The following MGLL variants were observed in gnomAD, a reference collection of about 807,000 sequenced individuals.
MGLL encodes the protein monoglyceride lipase, also known as lysophospholipase homolog.
A neutral mutation model predicts 29.1 loss-of-function variants in MGLL; 7 were observed. The ratio of observed to expected loss-of-function variants is 0.24; its 90% CI spans 0.14 to 0.45. The LOEUF (loss-of-function observed/expected upper bound fraction) is 0.45. Among genes scored for constraint, MGLL ranks in the 20% least tolerant of loss-of-function variants. The pLI is 0.99. For missense variants in MGLL, 356 were observed against 413.6 expected (o/e 0.86, Z 1.21); for synonymous variants, 148 against 168.3 (o/e 0.88, Z 0.93).
intron 3 of MGLL, among the ~76,000 whole-genome samples, chr3:127,759,921 G>A (rs913514937): frequency 6.6e-6 from 1 of 152,242 alleles, no homozygotes; most frequent in Non-Finnish European, 1.5e-5. Context: ...TGATTATGGG[G>A]TCTGAATGAT....
chr3:127,695,763 C>T lies in MGLL; in HGVS notation c.601-573G>A, dbSNP rs374538558. Among the ~76,000 whole-genome samples the T allele has an allele frequency of 1.0e-3, 152 of 152,120 alleles. 1 individual carries two copies. Among genetic ancestry groups the T allele is most frequent in the East Asian group, 3.3e-3 (17 of 5,172 alleles). On this transcript the variant is annotated intron_variant, in intron 6 of 7. Transcript: ENST00000265052. The stretch of plus-strand genomic sequence containing the variant: ...CGTCTCAAAAAAAAATTAAAAAAAA[C>T]GAAAGTTTCAAGTATTAATTTGTAT...
chr3:127,760,336 C>T (rs1352083772), intron 3 of MGLL, among the ~76,000 whole-genome samples: 1 of 152,234 alleles, frequency 6.6e-6, no homozygotes, highest in Non-Finnish European at 1.5e-5. Context: ...CATAACAGAA[C>T]TCTCTGGGCT....
intron 3 of MGLL, among the ~76,000 whole-genome samples, chr3:127,734,380 G>A (rs2076206525): frequency 6.6e-6 from 1 of 152,170 alleles, no homozygotes; most frequent in African/African-American, 2.4e-5. Context: ...TTTCACCATG[G>A]AAGCATCGCC....
Position 127,747,744 on chromosome 3 carries a change from C to T in MGLL, c.263-25178G>A, listed in dbSNP as rs533213403. 2.0e-4 allele frequency among the ~76,000 whole-genome samples: 31 copies of T among 152,320 alleles called. No individual in the cohort carries two copies. The South Asian group carries it at 5.0e-3, about 24-fold the overall frequency. ...GGCTCCCTTGAGACAGGAGCTTCCACGGTAACACCTATTTGAGCTCCTCAG... is the reference window on the plus strand; with the variant it reads ...GGCTCCCTTGAGACAGGAGCTTCCATGGTAACACCTATTTGAGCTCCTCAG... On this transcript the variant is annotated intron_variant, in intron 3 of 7. Transcript: ENST00000265052.
chr3:127,821,993 G>A, intron 1 of MGLL, 155 bp from the exon 2 acceptor site: 1 of 835,676 alleles, frequency 1.2e-6, no homozygotes, highest in Non-Finnish European at 1.8e-6. Flanking sequence ...TACATTTCTT[G>A]CAAACCTCTC....
chr3:127,822,826 G>T (rs2077888540), upstream of MGLL: 1 of 167,274 alleles, frequency 6.0e-6, no homozygotes, highest in South Asian at 1.5e-4. Flanking sequence ...CCGGGTGTCT[G>T]CACCGGGGAA....
chr3:127,706,450 T>A (rs1196237407), intron 6 of MGLL, among the ~76,000 whole-genome samples: 1 of 152,196 alleles, frequency 6.6e-6, no homozygotes, highest in Non-Finnish European at 1.5e-5. Flanking sequence ...CTGCCTGTCA[T>A]GAGCTCACAG....
intron 3 of MGLL, among the ~76,000 whole-genome samples, chr3:127,772,466 G>A (rs1182807828): frequency 6.6e-6 from 1 of 152,194 alleles, no homozygotes; most frequent in Non-Finnish European, 1.5e-5. Context: ...TTTCACATCT[G>A]TCCAATGGCT....
intron 2 of MGLL, among the ~76,000 whole-genome samples, chr3:127,794,374 C>G (rs1475519978): frequency 6.6e-6 from 1 of 152,082 alleles, no homozygotes; most frequent in African/African-American, 2.4e-5. Flanking sequence ...AAACTGTCTT[C>G]TATGAAGTAA....
intron 2 of MGLL, among the ~76,000 whole-genome samples, chr3:127,805,263 C>T (rs757146770): frequency 5.9e-5 from 9 of 152,016 alleles, no homozygotes; most frequent in Non-Finnish European, 1.0e-4. Flanking sequence ...AAACGGATGG[C>T]GATAAATGAT....
At chr3:127,804,100 T>C (rs777763762) in intron 2 of MGLL, among the ~76,000 whole-genome samples, 1 of 152,220 alleles carries the variant, frequency 6.6e-6, no homozygotes, top group Non-Finnish European at 1.5e-5. Flanking sequence ...GAAGAAATAA[T>C]ATGAAATTTA....
chr3:127,822,223 G>A, intron 1 of MGLL, 86 bp downstream of exon 1: 1 of 1,461,874 alleles, frequency 6.8e-7, no homozygotes, highest in East Asian at 2.3e-5. Flanking sequence ...AAATCTCCAA[G>A]GAACAGTTTC....
chr3:127,737,997 A>G (rs2076273939), intron 3 of MGLL, among the ~76,000 whole-genome samples: 1 of 152,134 alleles, frequency 6.6e-6, no homozygotes, highest in Admixed American at 6.5e-5. Context: ...CTAAGTAAGA[A>G]TAACGTAAGA....
At chr3:127,733,189 T>C (rs1038031957) in intron 3 of MGLL, among the ~76,000 whole-genome samples, 1 of 152,126 alleles carries the variant, frequency 6.6e-6, no homozygotes, top group Non-Finnish European at 1.5e-5. Context: ...TGACCTCTGG[T>C]TGTCCTCACT....
In MGLL at chr3:127,761,275, T is replaced by C. The variant is rs1245238490; in HGVS notation, c.262+20514A>G. Among the ~76,000 whole-genome samples, 1 of 152,194 alleles carries C rather than the reference T, an allele frequency of 6.6e-6. No homozygotes were observed. Among genetic ancestry groups the C allele is most frequent in the Non-Finnish European group, 1.5e-5 (1 of 68,036 alleles). On this transcript the variant is annotated intron_variant, in intron 3 of 7. Coordinates refer to ENST00000265052, the MANE Select transcript of MGLL (RefSeq NM_007283.7). This position sits in a 1 kb window ranked among gnomAD's most constrained non-coding sequence, Gnocchi z 4.6. Reference sequence around the variant, plus strand: ...CTGGGGTGCTGATGACCAGACTGCGTCACTTTCCAGGGCCCACTGGGCAAA... The same window carrying C: ...CTGGGGTGCTGATGACCAGACTGCGCCACTTTCCAGGGCCCACTGGGCAAA...
intron 6 of MGLL, among the ~76,000 whole-genome samples, chr3:127,700,403 G>A (rs952250617): frequency 5.3e-5 from 8 of 152,114 alleles, no homozygotes; most frequent in South Asian, 2.1e-4. Flanking sequence ...TGTCTACTCC[G>A]CTTTCAGGCC....
rs546893156 is a variant in MGLL at position 127,693,829 on chromosome 3, A to G, written c.816+1146T>C. ...AGGGCCCCATAAATACTTGAATTAA[A>G]GAAGCAATGAATGGATAGCTGGGTA... is the stretch of plus-strand genomic sequence containing the variant. On this transcript the variant is annotated intron_variant, in intron 7 of 7. Coordinates refer to ENST00000265052, the MANE Select transcript of MGLL (RefSeq NM_007283.7). Among the ~76,000 whole-genome samples, 28 of 152,382 alleles carry G rather than the reference A, an allele frequency of 1.8e-4. No homozygotes were observed. The South Asian group carries it at 5.8e-3, about 32-fold the overall frequency.
At chr3:127,794,809 T>C (rs1205614394) in intron 2 of MGLL, among the ~76,000 whole-genome samples, 3 of 152,280 alleles carry the variant, frequency 2.0e-5, no homozygotes, top group Admixed American at 6.5e-5. Flanking sequence ...ATGAGTCTTA[T>C]GTAGGCCTCC....
chr3:127,722,392 A>C (rs757102599), intron 4 of MGLL, 38 bp downstream of exon 4: 2 of 1,613,766 alleles, frequency 1.2e-6, no homozygotes, highest in Admixed American at 1.7e-5. Flanking sequence ...GCTGGAAGCC[A>C]GGGTGGATTT....
Sources: gnomAD v4.1 joint callset for allele counts (sites outside exome capture counted in the v4.1 genomes callset) on GRCh38, gnomAD v4.1.1 for gene constraint, Gnocchi (gnomAD v3.1) non-coding constraint, MANE v1.5 for transcripts, NCBI Gene and HGNC (gene_info 2026-07-23, HGNC 2026-07-21) for gene names.